Variants in ADGRB3 observed in about 807,000 individuals in gnomAD.
ADGRB3 encodes adhesion G protein-coupled receptor B3.
ADGRB3 carries 37 observed loss-of-function variants against 193.4 expected under a neutral mutation model. The ratio of observed to expected loss-of-function variants is 0.19; its 90% confidence interval spans 0.15 to 0.25. The LOEUF (loss-of-function observed/expected upper bound fraction) is 0.25. ADGRB3 is among the 10% of genes least tolerant of loss of function. The pLI is 1.00. For missense variants in ADGRB3, 1,637 were observed against 1,852.9 expected (o/e 0.88, Z 2.14); for synonymous variants, 690 against 644.2 (o/e 1.07, Z -1.08).
At chr6:69,042,793 AGTT>A (rs1771110630) in intron 13 of ADGRB3, among the ~76,000 whole-genome samples, 1 of 152,192 alleles carries the variant, frequency 6.6e-6, no homozygotes, top group South Asian at 2.1e-4. Context: ...TCCATTTGTA[AGTT>A]GTTCCCTCTG....
At chr6:68,638,285 A>G (rs765098564) in intron 2 of ADGRB3, among the ~76,000 whole-genome samples, 12 of 152,234 alleles carry the variant, frequency 7.9e-5, no homozygotes, top group Non-Finnish European at 1.8e-4. Flanking sequence ...TAGACTGATT[A>G]ATACTATTTC....
intron 17 of ADGRB3, among the ~76,000 whole-genome samples, chr6:69,216,643 G>GC (rs923899673): frequency 1.9e-4 from 29 of 152,230 alleles, no homozygotes; most frequent in African/African-American, 6.3e-4. Flanking sequence ...AGAAAATGAA[G>GC]CCCCATGGGT....
intron 3 of ADGRB3, among the ~76,000 whole-genome samples, chr6:68,830,955 T>TG (rs1767940371): frequency 6.9e-6 from 1 of 145,576 alleles, no homozygotes. Context: ...CAGAACAACT[T>TG]AAAAAAAAAA....
rs3839475 is a variant in ADGRB3 at position 69,219,461 on chromosome 6, G to GTATATATATATATATATATATATA, written c.2481-13820_2481-13797dup. On this transcript the variant is annotated intron_variant, in intron 17 of 31. Transcript: ENST00000370598. ...CTTTAACTTAAAAATACACACACACGTATATATATATATATATATATATAT... is the reference window on the plus strand; with the variant it reads ...CTTTAACTTAAAAATACACACACACGTATATATATATATATATATATATATATATATATATATATATATATATAT... 5.7e-4 allele frequency among the ~76,000 whole-genome samples: 56 copies of GTATATATATATATATATATATATA among 98,942 alleles called. 1 individual carries two copies. Among genetic ancestry groups the GTATATATATATATATATATATATA allele is most frequent in the South Asian group, 8.6e-4 (2 of 2,328 alleles). 64.9% of individuals were successfully genotyped at this position (98,942 alleles called of 152,430 possible).
At chr6:69,227,327 G>T (rs1766040927) in intron 17 of ADGRB3, among the ~76,000 whole-genome samples, 1 of 152,178 alleles carries the variant, frequency 6.6e-6, no homozygotes. Flanking sequence ...GTAGACCATT[G>T]TAAGGACCAT....
At chr6:69,126,464 C>A (rs1465395349) in intron 17 of ADGRB3, among the ~76,000 whole-genome samples, 1 of 152,180 alleles carries the variant, frequency 6.6e-6, no homozygotes, top group Non-Finnish European at 1.5e-5. Flanking sequence ...GGTCTATGAA[C>A]CTGGCAGGCT....
At chr6:68,825,963 T>A (rs1489868738) in intron 3 of ADGRB3, among the ~76,000 whole-genome samples, 1 of 151,846 alleles carries the variant, frequency 6.6e-6, no homozygotes. Context: ...GACCTAACTA[T>A]CCACTCTGGT....
intron 17 of ADGRB3, among the ~76,000 whole-genome samples, chr6:69,115,605 T>TAA (rs1773507747): frequency 1.3e-5 from 2 of 152,108 alleles, no homozygotes; most frequent in African/African-American, 4.8e-5. Flanking sequence ...TAAAAATAAA[T>TAA]TAAATAAAGA....
chr6:69,045,334 C>T (rs889544141), intron 13 of ADGRB3, among the ~76,000 whole-genome samples: 13 of 152,126 alleles, frequency 8.5e-5, no homozygotes, highest in East Asian at 5.8e-4. Flanking sequence ...GCCTATCTAG[C>T]GTAGAGGTAA....
In ADGRB3 at chr6:68,889,628, G is replaced by T. The variant is rs376486796; in HGVS notation, c.758-40931G>T. Among the ~76,000 whole-genome samples, 338 of 151,752 alleles carry T rather than the reference G, an allele frequency of 2.2e-3. 1 individual carries two copies. The highest frequency in any genetic ancestry group is 7.9e-3 in the African/African-American group (327 of 41,382). On this transcript the variant is annotated intron_variant, in intron 3 of 31. Coordinates refer to ENST00000370598, the MANE Select transcript of ADGRB3 (RefSeq NM_001704.3). ...CACCATTCTCCTGTGTCAGCCTCCT[G>T]AGTACCTGGGACTACAGGTGTCCGC...
rs142620713 is a variant in ADGRB3 at position 69,055,586 on chromosome 6, C to A, written c.2333+6240C>A. Among the ~76,000 whole-genome samples the A allele has an allele frequency of 2.0e-5, 3 of 152,330 alleles. No individual in the cohort carries two copies. In the East Asian group the frequency reaches 5.8e-4, roughly 29 times the overall value. On this transcript the variant is annotated intron_variant, in intron 15 of 31. Coordinates refer to ENST00000370598, the MANE Select transcript of ADGRB3 (RefSeq NM_001704.3). ...CACCTCTTGGCAATTGTCAATTACA[C>A]ATGATGAACATGGGTGTTCAAATAT...
At chr6:68,697,919 T>C (rs548797217) in intron 3 of ADGRB3, among the ~76,000 whole-genome samples, 94 of 151,622 alleles carry the variant, frequency 6.2e-4, no homozygotes, top group Non-Finnish European at 1.2e-3. Context: ...TATTTCTTCA[T>C]CTGTAAAATT....
intron 17 of ADGRB3, among the ~76,000 whole-genome samples, chr6:69,204,132 A>G (rs898850726): frequency 2.0e-5 from 3 of 152,184 alleles, no homozygotes; most frequent in Admixed American, 6.6e-5. Flanking sequence ...GGATACATTA[A>G]CTTAAAGTTT....
intron 17 of ADGRB3, among the ~76,000 whole-genome samples, chr6:69,182,835 A>G (rs1008389912): frequency 1.3e-5 from 2 of 152,232 alleles, no homozygotes; most frequent in Admixed American, 6.5e-5. Flanking sequence ...TATCATCATA[A>G]CATTGCTGAA....
chr6:69,256,418 C>T (rs537183642), intron 20 of ADGRB3, among the ~76,000 whole-genome samples: 10 of 152,134 alleles, frequency 6.6e-5, no homozygotes, highest in African/African-American at 1.9e-4. Flanking sequence ...AGGTCCTTCA[C>T]GTCCCTTGTA....
intron 16 of ADGRB3, among the ~76,000 whole-genome samples, chr6:69,063,392 T>G (rs1381649313): frequency 6.6e-6 from 1 of 151,972 alleles, no homozygotes; most frequent in Non-Finnish European, 1.5e-5. Flanking sequence ...GAAGATGAGG[T>G]GAGTAAAAGC....
At chr6:69,209,296 C>T (rs1362992663) in intron 17 of ADGRB3, among the ~76,000 whole-genome samples, 1 of 152,186 alleles carries the variant, frequency 6.6e-6, no homozygotes, top group African/African-American at 2.4e-5. Context: ...CAAATAGGCC[C>T]ACTAGGCATT....
chr6:68,656,060 T>C (rs1460520729), intron 3 of ADGRB3, among the ~76,000 whole-genome samples: 1 of 151,616 alleles, frequency 6.6e-6, no homozygotes, highest in East Asian at 1.9e-4. Context: ...AATGCCTTTT[T>C]CCTCCTGAGC....
chr6:69,368,558 G>T (rs947412379), intron 29 of ADGRB3, among the ~76,000 whole-genome samples: 1 of 152,024 alleles, frequency 6.6e-6, no homozygotes, highest in African/African-American at 2.4e-5. Context: ...TTAAAAGATG[G>T]TATTCAAAAT....
Sources: gnomAD v4.1 joint callset for allele counts (sites outside exome capture counted in the v4.1 genomes callset) on GRCh38, gnomAD v4.1.1 for gene constraint, MANE v1.5 for transcripts, NCBI Gene and HGNC (gene_info 2026-07-23, HGNC 2026-07-21) for gene names.